Variants in DIS3L2 observed in about 807,000 individuals in gnomAD.
The protein encoded by DIS3L2 is DIS3-like exonuclease 2.
A neutral mutation model predicts 97.5 loss-of-function variants in DIS3L2; 34 were observed. The observed-to-expected ratio is 0.35, with a 90% CI of 0.27 to 0.46. The LOEUF (loss-of-function observed/expected upper bound fraction) is 0.46. Among genes scored for constraint, DIS3L2 ranks in the 20% least tolerant of loss-of-function variants. The probability of loss-of-function intolerance (pLI) is 1.00; values close to 1 mark genes in which losing one functional copy is unlikely to be tolerated. For missense variants in DIS3L2, 1,038 were observed against 1,146.0 expected, an observed-to-expected ratio of 0.91 and a Z score of 1.36; for synonymous variants, 435 against 445.2, an observed-to-expected ratio of 0.98 and a Z score of 0.29.
At chr2:232,036,836 G>A (rs1694962783) in intron 5 of DIS3L2, among the ~76,000 whole-genome samples, 1 of 152,114 alleles carries the variant, frequency 6.6e-6, no homozygotes, top group African/African-American at 2.4e-5. Flanking sequence ...TGTTTGCTTG[G>A]GTATCATCAG....
chr2:232,071,257 C>T (rs962485938), intron 5 of DIS3L2, among the ~76,000 whole-genome samples: 4 of 152,162 alleles, frequency 2.6e-5, no homozygotes, highest in Non-Finnish European at 5.9e-5. Flanking sequence ...TGTGGTGGCT[C>T]TTGCCTATAA....
At chr2:232,175,820 G>T (rs1691134854) in intron 9 of DIS3L2, among the ~76,000 whole-genome samples, 1 of 151,954 alleles carries the variant, frequency 6.6e-6, no homozygotes, top group African/African-American at 2.4e-5. Context: ...TATTAATTCG[G>T]TATCTTTTTT....
At chr2:232,259,339 G>A (rs1448094041) in intron 12 of DIS3L2, among the ~76,000 whole-genome samples, 3 of 152,126 alleles carry the variant, frequency 2.0e-5, no homozygotes, top group Non-Finnish European at 2.9e-5. Context: ...GGTAGCCAAT[G>A]CCAGCATAGG....
chr2:232,015,473 G>T, intron 2 of DIS3L2, 41 bp from the exon 3 acceptor site: 3 of 1,597,368 alleles, frequency 1.9e-6, no homozygotes, highest in South Asian at 1.1e-5. Flanking sequence ...AAAATACACA[G>T]ATGTTTGAGG....
intron 4 of DIS3L2, among the ~76,000 whole-genome samples, chr2:232,027,643 T>C (rs2106236903): frequency 6.6e-6 from 1 of 152,152 alleles, no homozygotes; most frequent in East Asian, 1.9e-4. Context: ...GGTAAAGAGG[T>C]GAAGAACAGT....
intron 14 of DIS3L2, among the ~76,000 whole-genome samples, chr2:232,315,969 G>A (rs1340659409): frequency 2.0e-5 from 3 of 152,192 alleles, no homozygotes; most frequent in African/African-American, 7.2e-5. Flanking sequence ...CTCCAAGCCC[G>A]GGTTACCAGT....
intron 5 of DIS3L2, among the ~76,000 whole-genome samples, chr2:232,039,097 A>G (rs1695036561): frequency 6.6e-6 from 1 of 152,064 alleles, no homozygotes; most frequent in Non-Finnish European, 1.5e-5. Context: ...GCTGCCTGAC[A>G]ATTGCTTTTT....
At chr2:232,252,435 A>G (rs1693444339) in intron 12 of DIS3L2, among the ~76,000 whole-genome samples, 1 of 152,156 alleles carries the variant, frequency 6.6e-6, no homozygotes, top group Non-Finnish European at 1.5e-5. Flanking sequence ...AAAGAAAAAG[A>G]AGAGGACGCT....
At position 232,153,841 on chromosome 2, in the gene DIS3L2, A is replaced by G. The variant is rs550330624; in HGVS notation, c.951-9618A>G. Among the ~76,000 whole-genome samples the G allele has an allele frequency of 3.7e-4, 56 of 152,182 alleles. 1 individual carries two copies. Among genetic ancestry groups the G allele is most frequent in the African/African-American group, 1.3e-3 (54 of 41,476 alleles). On this transcript the variant is annotated intron_variant, in intron 8 of 20. Coordinates refer to ENST00000325385, the MANE Select transcript of DIS3L2 (RefSeq NM_152383.5). ...TCCCCATCACTTTCAGAGTGACACC[A>G]ATGAGACGTAGATTTGGTCTTTTCA...
chr2:232,082,594 G>A (rs1271463445), intron 5 of DIS3L2, among the ~76,000 whole-genome samples: 1 of 152,144 alleles, frequency 6.6e-6, no homozygotes, highest in East Asian at 1.9e-4. Flanking sequence ...CTGGTCTGTG[G>A]AAAAATTGTC....
intron 7 of DIS3L2, 80 bp from the exon 8 acceptor site, chr2:232,136,392 A>G (rs2106355163): frequency 1.3e-6 from 2 of 1,553,048 alleles, no homozygotes; most frequent in South Asian, 1.2e-5. Context: ...TAGTTGATCA[A>G]ATTATAACCT....
chr2:232,044,047 G>A lies in DIS3L2; in HGVS notation c.366+13967G>A, dbSNP rs545394937. 3.9e-5 allele frequency among the ~76,000 whole-genome samples: 6 copies of A among 152,264 alleles called. No homozygotes were observed. In the East Asian group the frequency reaches 1.2e-3, roughly 29 times the overall value. ...ACTACAGATATTATTTTATTTTTGAGCTTAAAATGCAAGCTAGGGATATAA... is the reference window on the plus strand; with the variant it reads ...ACTACAGATATTATTTTATTTTTGAACTTAAAATGCAAGCTAGGGATATAA... On this transcript the variant is annotated intron_variant, in intron 5 of 20. Coordinates refer to ENST00000325385, the MANE Select transcript of DIS3L2 (RefSeq NM_152383.5).
intron 13 of DIS3L2, among the ~76,000 whole-genome samples, chr2:232,284,587 A>G (rs561544972): frequency 6.6e-6 from 1 of 152,290 alleles, no homozygotes; most frequent in African/African-American, 2.4e-5. Context: ...AACAATTATT[A>G]TTGAGCACCT....
At chr2:232,317,383 T>C (rs923139706) in intron 14 of DIS3L2, among the ~76,000 whole-genome samples, 3 of 152,142 alleles carry the variant, frequency 2.0e-5, no homozygotes, top group African/African-American at 7.2e-5. Context: ...GTATGCAGTA[T>C]TTGCTCTTTT....
At chr2:232,094,631 A>G (rs1246523151) in intron 6 of DIS3L2, among the ~76,000 whole-genome samples, 2 of 146,252 alleles carry the variant, frequency 1.4e-5, no homozygotes, top group Non-Finnish European at 3.0e-5. Flanking sequence ...AAGTGGGAGG[A>G]TTGCTTGAAC....
intron 14 of DIS3L2, among the ~76,000 whole-genome samples, chr2:232,308,154 T>C (rs1695034018): frequency 6.6e-6 from 1 of 152,228 alleles, no homozygotes; most frequent in Non-Finnish European, 1.5e-5. Flanking sequence ...TTCAGTGGTA[T>C]GTGATGTGGC....
chr2:232,026,155 G>A (rs918291896), intron 4 of DIS3L2, among the ~76,000 whole-genome samples: 3 of 152,058 alleles, frequency 2.0e-5, no homozygotes, highest in African/African-American at 7.2e-5. Context: ...TAGCAAGTGT[G>A]GGACCTAGGA....
intron 13 of DIS3L2, among the ~76,000 whole-genome samples, chr2:232,294,147 T>G (rs1036292815): frequency 6.6e-6 from 1 of 152,216 alleles, no homozygotes. Context: ...CGTACCTCAT[T>G]GGCCTCGGTT....
chr2:232,274,429 G>C (rs192612111), intron 13 of DIS3L2, among the ~76,000 whole-genome samples: 1 of 152,216 alleles, frequency 6.6e-6, no homozygotes, highest in Non-Finnish European at 1.5e-5. Context: ...ATTCTTTGAC[G>C]TTAGTAAAAC....
Sources: gnomAD v4.1 joint callset for allele counts (sites outside exome capture counted in the v4.1 genomes callset) on GRCh38, gnomAD v4.1.1 for gene constraint, MANE v1.5 for transcripts, NCBI Gene and HGNC (gene_info 2026-07-23, HGNC 2026-07-21) for gene names.